CSMD1: variants seen among roughly 807,000 people sequenced by gnomAD.
CSMD1 encodes the protein CUB and Sushi multiple domains 1, also known as CUB and sushi domain-containing protein 1.
CSMD1 carries 213 observed loss-of-function variants against 417.5 expected under a neutral mutation model. The ratio of observed to expected loss-of-function variants is 0.51; its 90% CI spans 0.46 to 0.57. The LOEUF (loss-of-function observed/expected upper bound fraction) is 0.57. CSMD1 is among the 20% of genes least tolerant of loss of function. CSMD1 has a pLI of 0.00. For missense variants in CSMD1, 6,923 were observed against 4,529.7 expected, an observed-to-expected ratio of 1.53 and a Z score of -15.17; for synonymous variants, 2,862 against 1,736.8, an observed-to-expected ratio of 1.65 and a Z score of -16.11.
At chr8:3,275,690 C>T (rs1376721021) in intron 26 of CSMD1, among the ~76,000 whole-genome samples, 1 of 152,190 alleles carries the variant, frequency 6.6e-6, no homozygotes, top group African/African-American at 2.4e-5. Flanking sequence ...CATCTTCCAT[C>T]ACTGATACCA....
chr8:4,662,643 AC>A (rs1804673659), intron 1 of CSMD1, among the ~76,000 whole-genome samples: 1 of 151,862 alleles, frequency 6.6e-6, no homozygotes, highest in Admixed American at 6.6e-5. Context: ...GAAATATAAA[AC>A]CCCTTTCAGC....
intron 5 of CSMD1, among the ~76,000 whole-genome samples, chr8:3,996,371 G>C (rs766597520): frequency 3.3e-5 from 5 of 152,116 alleles, no homozygotes; most frequent in Non-Finnish European, 7.4e-5. Flanking sequence ...GAAGAGGTGA[G>C]ATCACTTGAA....
chr8:3,532,406 G>C (rs557490108), intron 10 of CSMD1, among the ~76,000 whole-genome samples: 1 of 152,160 alleles, frequency 6.6e-6, no homozygotes, highest in Admixed American at 6.5e-5. Flanking sequence ...TGGTGAGCTA[G>C]AAGAAAGATG....
At chr8:4,601,175 G>C (rs190044935) in intron 2 of CSMD1, among the ~76,000 whole-genome samples, 1 of 152,030 alleles carries the variant, frequency 6.6e-6, no homozygotes, top group African/African-American at 2.4e-5. Flanking sequence ...GGCTGGTCTC[G>C]AACTCCTAAC....
At chr8:3,744,194 T>C (rs1046802726) in intron 6 of CSMD1, among the ~76,000 whole-genome samples, 10 of 151,946 alleles carry the variant, frequency 6.6e-5, no homozygotes, top group African/African-American at 2.2e-4. Context: ...GGAGTGGGAG[T>C]TGAGGACAGG....
Position 4,994,427 on chromosome 8 carries a change from A to G in CSMD1, c.-11T>C, listed in dbSNP as rs1811647035. 1.2e-6 allele frequency: 2 copies of G among 1,609,016 alleles called. No homozygotes were observed. Among genetic ancestry groups the G allele is most frequent in the African/African-American group, 1.3e-5 (1 of 74,734 alleles). ...CCTCCACGCAGTCATGTCTGCAGAT[A>G]CTCCACACGCACGCGACACCGATGG... On this transcript the variant is annotated 5_prime_UTR_variant, in exon 1 of 70. Transcript: ENST00000635120.
chr8:3,737,315 G>T (rs1371499025), intron 6 of CSMD1, among the ~76,000 whole-genome samples: 1 of 152,156 alleles, frequency 6.6e-6, no homozygotes, highest in Non-Finnish European at 1.5e-5. Context: ...AGGAGGCAAA[G>T]ACAGCTGACC....
chr8:3,456,013 G>A (rs967060833), intron 12 of CSMD1, among the ~76,000 whole-genome samples: 1 of 152,112 alleles, frequency 6.6e-6, no homozygotes, highest in African/African-American at 2.4e-5. Context: ...GGCAATGGTG[G>A]GTGCCCCTCC....
chr8:3,634,272 T>C (rs1796925461), intron 7 of CSMD1, among the ~76,000 whole-genome samples: 1 of 152,162 alleles, frequency 6.6e-6, no homozygotes, highest in Non-Finnish European at 1.5e-5. Context: ...AGCCACATGG[T>C]ATTGGAGCAC....
chr8:4,205,392 G>C (rs1182744169), intron 3 of CSMD1, among the ~76,000 whole-genome samples: 1 of 152,114 alleles, frequency 6.6e-6, no homozygotes, highest in South Asian at 2.1e-4. Context: ...TTTTAGCCTT[G>C]GCATGTGCCT....
chr8:3,345,593 T>C (rs907241371), intron 22 of CSMD1, among the ~76,000 whole-genome samples: 7 of 152,134 alleles, frequency 4.6e-5, no homozygotes, highest in African/African-American at 1.7e-4. Context: ...CCTAGTTATA[T>C]TTTTTCACCT....
intron 3 of CSMD1, 40 bp downstream of exon 3, chr8:4,419,913 G>A (rs758716191): frequency 1.6e-6 from 2 of 1,270,680 alleles, no homozygotes; most frequent in African/African-American, 3.0e-5. Flanking sequence ...TAGATCATTT[G>A]GACAGTGAAT....
At chr8:4,679,888 C>T (rs897843296) in intron 1 of CSMD1, among the ~76,000 whole-genome samples, 2 of 151,832 alleles carry the variant, frequency 1.3e-5, no homozygotes, top group African/African-American at 2.4e-5. Flanking sequence ...AATAGAAATG[C>T]TCATTTAATT....
At chr8:4,194,550 G>C (rs1337574328) in intron 3 of CSMD1, among the ~76,000 whole-genome samples, 2 of 152,012 alleles carry the variant, frequency 1.3e-5, no homozygotes, top group African/African-American at 2.4e-5. Flanking sequence ...TATAATGTTG[G>C]CAACAGCAAA....
intron 3 of CSMD1, among the ~76,000 whole-genome samples, chr8:4,099,131 T>A (rs932678555): frequency 2.6e-5 from 4 of 151,826 alleles, no homozygotes; most frequent in Non-Finnish European, 4.4e-5. Context: ...TACCAGTGGA[T>A]TCCTTCTTTC....
At chr8:3,220,946 A>G (rs1039683596) in intron 28 of CSMD1, among the ~76,000 whole-genome samples, 3 of 152,124 alleles carry the variant, frequency 2.0e-5, no homozygotes, top group African/African-American at 7.2e-5. Flanking sequence ...AAAGCACTCA[A>G]TTTACAAAGC....
At chr8:3,890,497 T>C (rs531400975) in intron 5 of CSMD1, among the ~76,000 whole-genome samples, 71 of 151,574 alleles carry the variant, frequency 4.7e-4, no homozygotes, top group African/African-American at 1.5e-3. Context: ...AAGGAAGGCA[T>C]TGAGGCACAC....
At chr8:4,044,505 G>A (rs187210917) in intron 3 of CSMD1, among the ~76,000 whole-genome samples, 56 of 152,288 alleles carry the variant, frequency 3.7e-4, no homozygotes, top group Middle Eastern at 6.8e-3. Context: ...CCTCCAGAGG[G>A]AGGAAGGACA....
chr8:3,048,508 G>A (rs1001982541), intron 50 of CSMD1, among the ~76,000 whole-genome samples: 1 of 152,070 alleles, frequency 6.6e-6, no homozygotes, highest in Non-Finnish European at 1.5e-5. Flanking sequence ...TCAATAAATG[G>A]TGCTGGAAAA....
Sources: allele counts gnomAD v4.1 joint callset (sites outside exome capture counted in the v4.1 genomes callset), GRCh38; gene constraint gnomAD v4.1.1; transcripts MANE v1.5; gene names NCBI Gene and HGNC (gene_info 2026-07-23, HGNC 2026-07-21).